Variants in GPT2 observed in about 807,000 individuals in gnomAD.
GPT2 encodes the protein alanine aminotransferase 2.
Under a neutral mutation model 56.9 loss-of-function variants are expected in GPT2, and 30 were observed. That is an observed-to-expected ratio of 0.53 (90% CI 0.39 to 0.72). The LOEUF is 0.72. Ranked by LOEUF, GPT2 falls within the 30% of genes least tolerant of loss-of-function variation. The pLI is 0.00. For synonymous variants in GPT2, 271 were observed against 283.1 expected, an observed-to-expected ratio of 0.96 and a Z score of 0.43; for missense variants, 542 against 703.4, an observed-to-expected ratio of 0.77 and a Z score of 2.60.
intron 3 of GPT2, among the ~76,000 whole-genome samples, chr16:46,898,564 C>T (rs891626583): frequency 2.6e-5 from 4 of 151,914 alleles, no homozygotes; most frequent in Non-Finnish European, 4.4e-5. Context: ...TTTGTTTTGT[C>T]GCCCAGGTTT....
At chr16:46,888,017 A>G (rs1316907762) in intron 2 of GPT2, among the ~76,000 whole-genome samples, 2 of 152,348 alleles carry the variant, frequency 1.3e-5, no homozygotes, top group Admixed American at 1.3e-4. Flanking sequence ...ATAAGCTGCA[A>G]TTAAAAGGAG....
intron 4 of GPT2, among the ~76,000 whole-genome samples, chr16:46,905,760 A>G (rs1960911804): frequency 6.6e-6 from 1 of 152,274 alleles, no homozygotes; most frequent in South Asian, 2.1e-4. Context: ...CCTTTCACAC[A>G]TGCACACATC....
intron 8 of GPT2, among the ~76,000 whole-genome samples, chr16:46,921,370 A>G (rs2143543472): frequency 6.6e-6 from 1 of 152,192 alleles, no homozygotes; most frequent in East Asian, 1.9e-4. Flanking sequence ...GACGGGTTTC[A>G]CCATGTTGGC....
intron 3 of GPT2, 78 bp downstream of exon 3, chr16:46,897,815 GC>G (rs1960713417): frequency 1.6e-6 from 2 of 1,264,122 alleles, no homozygotes; most frequent in Admixed American, 3.7e-5. Context: ...GCCGTCCTCT[GC>G]CCCCTCGATG....
intron 2 of GPT2, among the ~76,000 whole-genome samples, chr16:46,895,402 G>A (rs1960666789): frequency 6.6e-6 from 1 of 152,022 alleles, no homozygotes; most frequent in Non-Finnish European, 1.5e-5. Context: ...ATGCTTATCT[G>A]TAGTCCCAGC....
At chr16:46,908,656 G>A (rs1960984210) in intron 5 of GPT2, among the ~76,000 whole-genome samples, 1 of 152,166 alleles carries the variant, frequency 6.6e-6, no homozygotes, top group African/African-American at 2.4e-5. Context: ...CCTAGAGTCA[G>A]TTCTTGTGAC....
In GPT2 at chr16:46,916,340, C is replaced by G. The variant is rs559299286; in HGVS notation, c.821-288C>G. 5 of 233,172 alleles carry G rather than the reference C, an allele frequency of 2.1e-5. No individual in the cohort carries two copies. In the East Asian group the frequency reaches 2.4e-4, roughly 11 times the overall value. 14.4% of individuals were successfully genotyped at this position (233,172 alleles called of 1,614,324 possible). A position where few individuals can be genotyped will look rare whatever the true frequency, so the allele number is the denominator to read the frequency against. The stretch of plus-strand genomic sequence containing the variant: ...CAGCCTGGGTGACAGAGCGAGACTC[C>G]GTCTCAAAAAAATTAAAAAAAAAAA... On this transcript the variant is annotated intron_variant, in intron 6 of 11. Transcript: ENST00000340124.
chr16:46,900,480 A>C (rs1960794329), intron 3 of GPT2, among the ~76,000 whole-genome samples: 1 of 152,052 alleles, frequency 6.6e-6, no homozygotes, highest in Non-Finnish European at 1.5e-5. Context: ...AGTGCATCCC[A>C]ACTCTCAACT....
At chr16:46,897,077 ATAAG>A (rs1960697953) in intron 2 of GPT2, among the ~76,000 whole-genome samples, 1 of 152,170 alleles carries the variant, frequency 6.6e-6, no homozygotes, top group Admixed American at 6.5e-5. Context: ...AATAGTAACA[ATAAG>A]TAATAAATAA....
At chr16:46,917,203 T>TAGGTTCAGTATGCA (rs1961186246) in intron 7 of GPT2, among the ~76,000 whole-genome samples, 1 of 152,142 alleles carries the variant, frequency 6.6e-6, no homozygotes, top group Non-Finnish European at 1.5e-5. Flanking sequence ...CCAATCACTG[T>TAGGTTCAGTATGCA]GATGTAGGGG....
intron 6 of GPT2, 97 bp downstream of exon 6, chr16:46,910,024 T>C (rs775756593): frequency 2.8e-6 from 4 of 1,423,976 alleles, no homozygotes; most frequent in Non-Finnish European, 3.8e-6. Context: ...AGGGTCTCTC[T>C]GCCCCTAGTT....
In GPT2 at chr16:46,909,821, G is replaced by T; in HGVS notation, c.714G>T (p.Glu238Asp). ...AIQVNYYLDE[E>D]NCWALNVNEL... is the part of the protein sequence containing the mutation. ...AGGTGAATTACTACCTGGACGAGGA[G>T]AACTGCTGGGCGCTGAATGTGAATG... Residue 238 changes from glutamate (E) to aspartate (D), a missense_variant, in exon 6 of 12, where the codon GAG becomes GAT. By Grantham distance (45) the Glu-to-Asp change is conservative. Coordinates refer to ENST00000340124, the MANE Select transcript of GPT2 (RefSeq NM_133443.4). The T allele has an allele frequency of 6.2e-7, 1 of 1,614,184 alleles. No homozygotes were observed. Among genetic ancestry groups the T allele is most frequent in the Non-Finnish European group, 8.5e-7 (1 of 1,180,034 alleles).
intron 4 of GPT2, among the ~76,000 whole-genome samples, chr16:46,904,733 G>T (rs1567337141): frequency 6.6e-6 from 1 of 152,094 alleles, no homozygotes; most frequent in Non-Finnish European, 1.5e-5. Context: ...GAGAAGGTGG[G>T]GCATTGAAAA....
At chr16:46,909,027 A>C (rs1267685028) in intron 5 of GPT2, among the ~76,000 whole-genome samples, 1 of 151,718 alleles carries the variant, frequency 6.6e-6, no homozygotes, top group Non-Finnish European at 1.5e-5. Flanking sequence ...CATCCTGCTC[A>C]GCTTGGAAAA....
At chr16:46,919,928 C>G (rs74629818) in intron 8 of GPT2, among the ~76,000 whole-genome samples, 1 of 152,070 alleles carries the variant, frequency 6.6e-6, no homozygotes, top group Non-Finnish European at 1.5e-5. Flanking sequence ...GAATCCTGGC[C>G]AGGTGCAGTG....
intron 2 of GPT2, among the ~76,000 whole-genome samples, chr16:46,887,324 C>T (rs1183523076): frequency 2.6e-5 from 4 of 152,018 alleles, no homozygotes; most frequent in Non-Finnish European, 4.4e-5. Flanking sequence ...AAAAATTAGC[C>T]GGGCATGGTG....
At chr16:46,908,991 C>T (rs1960990424) in intron 5 of GPT2, among the ~76,000 whole-genome samples, 2 of 152,140 alleles carry the variant, frequency 1.3e-5, no homozygotes, top group Admixed American at 6.5e-5. Context: ...ATCCCATGGC[C>T]TGGTTTCTCA....
chr16:46,922,568 C>A, intron 9 of GPT2, 152 bp downstream of exon 9: 1 of 681,384 alleles, frequency 1.5e-6, no homozygotes, highest in East Asian at 2.9e-5. Flanking sequence ...GCCTGAACCA[C>A]CCCTATGAGT....
intron 7 of GPT2, among the ~76,000 whole-genome samples, chr16:46,917,439 T>C (rs192670827): frequency 6.6e-6 from 1 of 152,288 alleles, no homozygotes; most frequent in Admixed American, 6.5e-5. Context: ...ACTGTCTCAT[T>C]TAATTCGCTT....
Sources: gnomAD v4.1 joint callset for allele counts (sites outside exome capture counted in the v4.1 genomes callset) on GRCh38, gnomAD v4.1.1 for gene constraint, MANE v1.5 for transcripts, NCBI Gene and HGNC (gene_info 2026-07-23, HGNC 2026-07-21) for gene names.